IFNAR1: variants seen among roughly 807,000 people sequenced by gnomAD.
IFNAR1 encodes interferon alpha/beta receptor 1.
In IFNAR1, 47 loss-of-function variants were observed where a neutral mutation model predicts 62.1. That is an observed-to-expected ratio of 0.76 (90% CI 0.60 to 0.97). The LOEUF is 0.97. Ranked by LOEUF, IFNAR1 falls within the 50% of genes least tolerant of loss-of-function variation. The pLI, the probability that IFNAR1 is intolerant of heterozygous loss-of-function variation, is 0.00. For synonymous variants in IFNAR1, 219 were observed against 226.9 expected (o/e 0.97, Z 0.31); for missense variants, 638 against 654.5 (o/e 0.97, Z 0.27).
At chr21:33,347,224 G>C (rs1449298018) in intron 6 of IFNAR1, among the ~76,000 whole-genome samples, 2 of 151,840 alleles carry the variant, frequency 1.3e-5, no homozygotes, top group Non-Finnish European at 2.9e-5. Context: ...CCGCGTCCTG[G>C]GTTCAAGTGA....
chr21:33,345,261 C>G lies in IFNAR1; in HGVS notation c.689C>G (p.Pro230Arg). Reference sequence around the variant, plus strand: ...TGGCTTCTAGTTGAAAATGAACTACCTCCACCAGAAAATATAGAAGTCAGT... The same window carrying G: ...TGGCTTCTAGTTGAAAATGAACTACGTCCACCAGAAAATATAGAAGTCAGT... ...CIKTTVENEL[P>R]PPENIEVSVQ... Residue 230 changes from proline (P) to arginine (R), a missense_variant, in exon 6 of 11, where the codon CCT becomes CGT. Pro to Arg is a moderately radical substitution (Grantham distance 103). Transcript: ENST00000270139. 1.3e-6 allele frequency: 2 copies of G among 1,572,990 alleles called. No homozygotes were observed. Among genetic ancestry groups the G allele is most frequent in the Non-Finnish European group, 1.7e-6 (2 of 1,143,980 alleles).
chr21:33,342,067 A>G (rs554152265), intron 3 of IFNAR1, among the ~76,000 whole-genome samples: 117 of 152,306 alleles, frequency 7.7e-4, no homozygotes, highest in Middle Eastern at 3.4e-3. Flanking sequence ...ATAAAAATAT[A>G]CAGCCCACAT....
At chr21:33,353,162 T>G (rs914141) in intron 9 of IFNAR1, among the ~76,000 whole-genome samples, 119,519 of 152,044 alleles carry the variant, frequency 0.79, 47,404 homozygotes, top group East Asian at 0.99. Flanking sequence ...TTAATGTATT[T>G]CTCTTTAACA....
At chr21:33,349,809 C>T (rs1404174457) in intron 8 of IFNAR1, among the ~76,000 whole-genome samples, 1 of 151,724 alleles carries the variant, frequency 6.6e-6, no homozygotes, top group Non-Finnish European at 1.5e-5. Flanking sequence ...ACCTATATTC[C>T]CAGCTACTTG....
rs36125058 is a variant in IFNAR1, at chr21:33,357,530, G to GTTTTTTTTTTTTTTTTTTTTTT, written c.*1996_*1997insTTTTTTTTTTTTTTTTTTTTTT. The GTTTTTTTTTTTTTTTTTTTTTT allele has an allele frequency of 7.2e-6, 1 of 139,672 alleles. No homozygotes were observed. Among genetic ancestry groups the GTTTTTTTTTTTTTTTTTTTTTT allele is most frequent in the African/African-American group, 2.7e-5 (1 of 37,240 alleles). The allele number at this position is 139,672 out of a possible 1,614,324, so 8.7% of individuals were successfully genotyped here. A position where few individuals can be genotyped will look rare whatever the true frequency, so the allele number is the denominator to read the frequency against. ...ATTTTCATCTTTCTGACCAGAGGCT[G>GTTTTTTTTTTTTTTTTTTTTTT]TTTTTTTTTTTTTTTGAGACAGTCT... On this transcript the variant is annotated 3_prime_UTR_variant, in exon 11 of 11. Transcript: ENST00000270139.
Position 33,356,387 on chromosome 21 carries a change from TTC to T in IFNAR1, c.*840_*841del, listed in dbSNP as rs2083448842. 6.6e-6 allele frequency: 1 copy of T among 152,244 alleles called. No homozygotes were observed. 9.4% of individuals were successfully genotyped at this position (152,244 alleles called of 1,614,324 possible). A position where few individuals can be genotyped will look rare whatever the true frequency, so the allele number is the denominator to read the frequency against. On this transcript the variant is annotated 3_prime_UTR_variant, in exon 11 of 11. Transcript: ENST00000270139. ...AGTCTGAACACGTTATCACTTGGTT[TTC>T]TGGAAAGTAGCTTACCCTAGAAAAC...
At chr21:33,341,687 C>CT (rs879570774) in intron 3 of IFNAR1, among the ~76,000 whole-genome samples, 60 of 147,466 alleles carry the variant, frequency 4.1e-4, no homozygotes, top group South Asian at 1.1e-3. Context: ...TTATTTCTTT[C>CT]TTTTTTTTTT....
intron 5 of IFNAR1, among the ~76,000 whole-genome samples, chr21:33,344,782 T>TTATGTATTTATG (rs1568930722): frequency 1.3e-5 from 2 of 150,306 alleles, no homozygotes; most frequent in Non-Finnish European, 3.0e-5. Flanking sequence ...ATTTATTTAT[T>TTATGTATTTATG]TATTTATTTA....
intron 6 of IFNAR1, among the ~76,000 whole-genome samples, chr21:33,348,797 G>A (rs893193386): frequency 6.6e-6 from 1 of 151,634 alleles, no homozygotes. Context: ...AGCGAGACTC[G>A]GTCTCAAAAA....
chr21:33,334,562 G>A, intron 1 of IFNAR1: 1 of 530,374 alleles, frequency 1.9e-6, no homozygotes, highest in Non-Finnish European at 3.7e-6. Flanking sequence ...GAACTGCCCT[G>A]CGAGAAATGC....
chr21:33,355,042 G>A (rs2083434295), intron 10 of IFNAR1, among the ~76,000 whole-genome samples: 2 of 151,444 alleles, frequency 1.3e-5, no homozygotes, highest in Admixed American at 1.3e-4. Context: ...CCTTTCCCGT[G>A]TTCTTCCCCG....
At chr21:33,345,885 A>C (rs1272041033) in intron 6 of IFNAR1, among the ~76,000 whole-genome samples, 1 of 152,264 alleles carries the variant, frequency 6.6e-6, no homozygotes, top group African/African-American at 2.4e-5. Context: ...GGTTGAGCAG[A>C]GGCTAGCTAA....
At position 33,357,276 on chromosome 21, in the gene IFNAR1, CAG is replaced by C. The variant is rs749564058; in HGVS notation, c.*1729_*1730del. The C allele has an allele frequency of 2.0e-5, 3 of 152,172 alleles. No individual in the cohort carries two copies. The highest frequency in any genetic ancestry group is 4.8e-5 in the African/African-American group (2 of 41,440). The allele number at this position is 152,172 out of a possible 1,614,324, so 9.4% of individuals were successfully genotyped here. On this transcript the variant is annotated 3_prime_UTR_variant, in exon 11 of 11. Transcript: ENST00000270139. ...TAAGTAGTCATTTCTGCTGAAAAAA[CAG>C]ATGATCCTGGTGGAAGAAAAGGTTG...
intron 1 of IFNAR1, among the ~76,000 whole-genome samples, chr21:33,331,453 CAG>C (rs2083179946): frequency 6.6e-6 from 1 of 152,206 alleles, no homozygotes; most frequent in South Asian, 2.1e-4. Context: ...CTCAGGGAAA[CAG>C]AGCAGTGGCT....
Position 33,352,772 on chromosome 21 carries a change from G to T in IFNAR1, c.1158G>T (p.Glu386Asp). 6.6e-7 allele frequency: 1 copy of T among 1,515,060 alleles called. No individual in the cohort carries two copies. Among genetic ancestry groups the T allele is most frequent in the South Asian group, 1.2e-5 (1 of 80,566 alleles). The allele number at this position is 1,515,060 out of a possible 1,614,324, so 93.9% of individuals were successfully genotyped here. A position where few individuals can be genotyped will look rare whatever the true frequency, so the allele number is the denominator to read the frequency against. Residue 386 changes from glutamate to aspartate, a missense_variant, in exon 9 of 11, where the codon GAG becomes GAT. Coordinates refer to ENST00000270139, the MANE Select transcript of IFNAR1 (RefSeq NM_000629.3). ...ATATTTTCTAGAGAAAAATTATCGA[G>T]AAAAAAACTGATGTTACAGTTCCTA... ...NTSNAERKII[E>D]KKTDVTVPNL...
At position 33,349,246 on chromosome 21, in the gene IFNAR1, C is replaced by T; in HGVS notation, c.944C>T (p.Thr315Ile). 6.2e-7 allele frequency: 1 copy of T among 1,613,052 alleles called. No homozygotes were observed. Among genetic ancestry groups the T allele is most frequent in the Non-Finnish European group, 8.5e-7 (1 of 1,179,312 alleles). Residue 315 changes from threonine (T) to isoleucine (I), a missense_variant, in exon 7 of 11, where the codon ACA (threonine) becomes ATA (isoleucine). Thr to Ile is a moderately conservative substitution (Grantham distance 89, BLOSUM62 -1). Transcript: ENST00000270139. The stretch of plus-strand genomic sequence containing the variant: ...GTACAAGCATCTGATGGAAATAACA[C>T]ATCTTTTTGGTCTGAAGAGATAAAG... ...LRVQASDGNN[T>I]SFWSEEIKFD...
rs759096318 is a variant in IFNAR1 at position 33,335,694 on chromosome 21, T to G, written c.200+47T>G. The G allele has an allele frequency of 4.2e-6, 6 of 1,426,246 alleles. No homozygotes were observed. The African/African-American group carries it at 7.3e-5, about 17-fold the overall frequency. 88.3% of individuals were successfully genotyped at this position (1,426,246 alleles called of 1,614,324 possible). A position where few individuals can be genotyped will look rare whatever the true frequency, so the allele number is the denominator to read the frequency against. On this transcript the variant is annotated intron_variant, in intron 2 of 10. Transcript: ENST00000270139. ...TTTGTCAGAATGACCTGAATAATTT[T>G]TACAAGTTTAACAACACCATAATTT... is the stretch of plus-strand genomic sequence containing the variant.
chr21:33,333,866 A>G (rs2856977), intron 1 of IFNAR1, among the ~76,000 whole-genome samples: 119,686 of 151,436 alleles, frequency 0.79, 48,189 homozygotes, highest in African/African-American at 0.95. Flanking sequence ...CTCGTGATCC[A>G]CCCGCCTCGG....
At chr21:33,332,377 A>G (rs985040580) in intron 1 of IFNAR1, among the ~76,000 whole-genome samples, 4 of 152,118 alleles carry the variant, frequency 2.6e-5, no homozygotes, top group Non-Finnish European at 5.9e-5. Flanking sequence ...CTGAAACCCA[A>G]CTGCTAATAA....
Sources: gnomAD v4.1 joint callset for allele counts (sites outside exome capture counted in the v4.1 genomes callset) on GRCh38, gnomAD v4.1.1 for gene constraint, MANE v1.5 for transcripts, NCBI Gene and HGNC (gene_info 2026-07-23, HGNC 2026-07-21) for gene names.